WDR27: variants seen among roughly 807,000 people sequenced by gnomAD.
The protein encoded by WDR27 is WD repeat-containing protein 27.
WDR27 carries 100 observed loss-of-function variants against 114.4 expected under a neutral mutation model. That is an observed-to-expected ratio of 0.87 (90% CI 0.74 to 1.03). WDR27 has a LOEUF of 1.03. Ranked by LOEUF, WDR27 falls within the 50% of genes least tolerant of loss-of-function variation. The pLI, the probability that WDR27 is intolerant of heterozygous loss-of-function variation, is 0.00. For synonymous variants in WDR27, 449 were observed against 423.1 expected (o/e 1.06, Z -0.75); for missense variants, 1,129 against 1,092.9 (o/e 1.03, Z -0.47).
At chr6:169,447,207 A>G in the WDR27 span, among the ~76,000 whole-genome samples, 1,155 of 152,166 alleles carry the variant, frequency 7.6e-3, 20 homozygotes, top group African/African-American at 0.027. Flanking sequence ...ATTTAACAAC[A>G]TTTTTCCAAA....
intron 22 of WDR27, among the ~76,000 whole-genome samples, chr6:169,613,139 T>G (rs1052443145): frequency 6.6e-6 from 1 of 152,172 alleles, no homozygotes; most frequent in Non-Finnish European, 1.5e-5. Context: ...GGAAATGCCC[T>G]CCCAACTGTG....
At chr6:169,503,812 C>T (rs1562503863) in intron 25 of WDR27, among the ~76,000 whole-genome samples, 3 of 151,678 alleles carry the variant, frequency 2.0e-5, no homozygotes, top group African/African-American at 7.3e-5. Flanking sequence ...ATCAATCTAG[C>T]ATGCCACTTC....
At position 169,587,407 on chromosome 6, in the gene WDR27, C is replaced by T. The variant is rs140739664; in HGVS notation, c.2425-4473G>A. Reference sequence around the variant, plus strand: ...CTAGTTTTTGTATTTTTAATAGAGACGGGGTTTCACCATGTTAGCCAGGCT... The same window carrying T: ...CTAGTTTTTGTATTTTTAATAGAGATGGGGTTTCACCATGTTAGCCAGGCT... On this transcript the variant is annotated intron_variant, in intron 23 of 25. Coordinates refer to ENST00000448612, the MANE Select transcript of WDR27 (RefSeq NM_182552.5). 3.1e-3 allele frequency among the ~76,000 whole-genome samples: 471 copies of T among 151,950 alleles called. 11 individuals are homozygous for T. The highest frequency in any genetic ancestry group is 0.024 in the Admixed American group (369 of 15,280).
chr6:169,464,178 G>C (rs184944280), intron 25 of WDR27, among the ~76,000 whole-genome samples: 44 of 152,296 alleles, frequency 2.9e-4, no homozygotes, highest in Non-Finnish European at 4.9e-4. Flanking sequence ...CTGGCATAAA[G>C]ATCGACCTAT....
chr6:169,559,664 G>A (rs1156441259), intron 25 of WDR27: 2 of 152,096 alleles, frequency 1.3e-5, no homozygotes, highest in African/African-American at 2.4e-5. Context: ...AGAAAGACAC[G>A]GCTTTCTGCT....
At chr6:169,687,538 C>T (rs1476216021) in intron 2 of WDR27, among the ~76,000 whole-genome samples, 2 of 152,016 alleles carry the variant, frequency 1.3e-5, no homozygotes, top group Admixed American at 1.3e-4. Flanking sequence ...ATGCCCTTTT[C>T]GAAAGGCTAA....
chr6:169,432,496 C>G, the WDR27 span, among the ~76,000 whole-genome samples: 1 of 152,134 alleles, frequency 6.6e-6, no homozygotes, highest in Non-Finnish European at 1.5e-5. Flanking sequence ...GGGCAGTTTT[C>G]TCCATACTGT....
intron 1 of WDR27, chr6:169,689,220 C>A (rs561248097): frequency 5.0e-6 from 2 of 403,752 alleles, no homozygotes; most frequent in South Asian, 4.7e-5. Context: ...ATTCTTCTCA[C>A]GGGCTTTCCA....
chr6:169,576,726 C>A (rs980812040), intron 24 of WDR27, among the ~76,000 whole-genome samples: 6 of 147,608 alleles, frequency 4.1e-5, no homozygotes, highest in Admixed American at 1.4e-4. Flanking sequence ...GTGATTGCAT[C>A]ACTGTACTCT....
In WDR27 at chr6:169,473,284, G is replaced by C. The variant is rs1022713327; in HGVS notation, c.2646-15650C>G. ...CTCTGTCCACATCAGCTCATCCCCAGAGGCAAGTGCGCTTGGAGACTGAAG... is the reference window on the plus strand; with the variant it reads ...CTCTGTCCACATCAGCTCATCCCCACAGGCAAGTGCGCTTGGAGACTGAAG... On this transcript the variant is annotated intron_variant, in intron 25 of 25. Coordinates refer to ENST00000448612, the MANE Select transcript of WDR27 (RefSeq NM_182552.5). Among the ~76,000 whole-genome samples the C allele has an allele frequency of 9.2e-5, 14 of 152,206 alleles. 1 individual carries two copies. Among genetic ancestry groups the C allele is most frequent in the African/African-American group, 3.1e-4 (13 of 41,450 alleles).
At chr6:169,650,880 A>G (rs1338465160) in intron 14 of WDR27, among the ~76,000 whole-genome samples, 2 of 152,026 alleles carry the variant, frequency 1.3e-5, no homozygotes, top group Non-Finnish European at 2.9e-5. Flanking sequence ...CATCCCTCCA[A>G]AAGTGCCTTA....
At chr6:169,610,049 T>A (rs1280799063) in intron 22 of WDR27, among the ~76,000 whole-genome samples, 2 of 152,178 alleles carry the variant, frequency 1.3e-5, no homozygotes, top group Admixed American at 1.3e-4. Flanking sequence ...AAGTCCCTCA[T>A]CTCCATCTGA....
chr6:169,576,957 T>C (rs113924639), intron 24 of WDR27, among the ~76,000 whole-genome samples: 72 of 115,464 alleles, frequency 6.2e-4, no homozygotes, highest in African/African-American at 2.7e-3. Context: ...CAGACAGAAT[T>C]ATGAAAATCA....
At chr6:169,699,830 A>G (rs190315577) in intron 1 of WDR27, among the ~76,000 whole-genome samples, 4 of 152,190 alleles carry the variant, frequency 2.6e-5, no homozygotes, top group Non-Finnish European at 1.5e-5. Context: ...TTAAAAAAAA[A>G]AAGTAGTCAG....
chr6:169,496,000 T>G (rs2115456309), intron 25 of WDR27, among the ~76,000 whole-genome samples: 1 of 152,042 alleles, frequency 6.6e-6, no homozygotes, highest in Admixed American at 6.6e-5. Context: ...TTATGAACAT[T>G]AATGCAAAAA....
At chr6:169,473,989 G>A (rs867271488) in intron 25 of WDR27, among the ~76,000 whole-genome samples, 12 of 152,340 alleles carry the variant, frequency 7.9e-5, no homozygotes, top group South Asian at 2.1e-4. Flanking sequence ...ATGGTTAACT[G>A]TGTGTGGCGA....
chr6:169,666,117 AAAT>A (rs1827764428), intron 6 of WDR27, among the ~76,000 whole-genome samples: 1 of 152,232 alleles, frequency 6.6e-6, no homozygotes, highest in South Asian at 2.1e-4. Context: ...GAATATTGAA[AAAT>A]ACTACATATC....
chr6:169,448,026 A>T, the WDR27 span, among the ~76,000 whole-genome samples: 1 of 152,190 alleles, frequency 6.6e-6, no homozygotes, highest in Non-Finnish European at 1.5e-5. Context: ...CCCTAGGTCA[A>T]ACATCTCTCA....
intron 2 of WDR27, among the ~76,000 whole-genome samples, chr6:169,673,181 C>T (rs1779196070): frequency 6.6e-6 from 1 of 152,056 alleles, no homozygotes; most frequent in Non-Finnish European, 1.5e-5. Context: ...AGGTTAAAAA[C>T]CTAGGCGAAC....
Sources: allele counts gnomAD v4.1 joint callset (sites outside exome capture counted in the v4.1 genomes callset), GRCh38; gene constraint gnomAD v4.1.1; transcripts MANE v1.5; gene names NCBI Gene and HGNC (gene_info 2026-07-23, HGNC 2026-07-21).